Variants in DHX9 observed in about 807,000 individuals in gnomAD.
The protein encoded by DHX9 is DExH-box helicase 9.
DHX9 carries 27 observed loss-of-function variants against 148.7 expected under a neutral mutation model. That is an observed-to-expected ratio of 0.18 (90% CI 0.13 to 0.25). The LOEUF is 0.25. Ranked by LOEUF, DHX9 falls within the 10% of genes least tolerant of loss-of-function variation. DHX9 has a pLI of 1.00. For missense variants in DHX9, 796 were observed against 1,559.6 expected (o/e 0.51, Z 8.25); for synonymous variants, 529 against 516.6 (o/e 1.02, Z -0.33).
At chr1:182,873,015 G>A (rs1432574222) in intron 15 of DHX9, among the ~76,000 whole-genome samples, 1 of 152,166 alleles carries the variant, frequency 6.6e-6, no homozygotes, top group Non-Finnish European at 1.5e-5. Flanking sequence ...GTGTAGTGGT[G>A]CACTCACTTG....
intron 18 of DHX9, 43 bp from the exon 19 acceptor site, chr1:182,876,787 T>G: frequency 1.4e-6 from 2 of 1,445,994 alleles, no homozygotes; most frequent in Admixed American, 1.8e-5. Flanking sequence ...TTTAAGTAAC[T>G]AATAAGAATA....
chr1:182,862,077 T>G (rs1400078764), intron 12 of DHX9, among the ~76,000 whole-genome samples: 3 of 152,228 alleles, frequency 2.0e-5, no homozygotes, highest in Admixed American at 6.5e-5. Context: ...ACTGTACTTC[T>G]TTTGGCACAG....
intron 1 of DHX9, among the ~76,000 whole-genome samples, chr1:182,840,098 C>T (rs1380933435): frequency 1.3e-5 from 2 of 152,002 alleles, no homozygotes; most frequent in African/African-American, 2.4e-5. Context: ...AGAAGGCCTT[C>T]AAAGGAGAAT....
chr1:182,884,580 C>T (rs1204365006), intron 26 of DHX9, 33 bp from the exon 27 acceptor site: 2 of 1,590,040 alleles, frequency 1.3e-6, no homozygotes, highest in Admixed American at 1.7e-5. Flanking sequence ...CATATACTCC[C>T]TCTCTTATTT....
Position 182,874,999 on chromosome 1 carries a change from A to G in DHX9, c.1815+45A>G, listed in dbSNP as rs774541513. On this transcript the variant is annotated intron_variant, in intron 16 of 27. Transcript: ENST00000367549. ...AATTTCCATTATGGGCAAATTGTCAATGCAGAGAAAAAAATGAGTTAATGT... is the reference window on the plus strand; with the variant it reads ...AATTTCCATTATGGGCAAATTGTCAGTGCAGAGAAAAAAATGAGTTAATGT... 8.8e-6 allele frequency: 13 copies of G among 1,479,014 alleles called. No homozygotes were observed. In the South Asian group the frequency reaches 1.1e-4, roughly 13 times the overall value. The allele number at this position is 1,479,014 out of a possible 1,614,324, so 91.6% of individuals were successfully genotyped here. A position where few individuals can be genotyped will look rare whatever the true frequency, so the allele number is the denominator to read the frequency against.
In DHX9 at chr1:182,860,060, A is replaced by G; in HGVS notation, c.1208A>G (p.Gln403Arg). ...FESEILEAIS[Q>R]NSVVIIRGAT... is the part of the protein sequence containing the mutation. ...AGTGAGATTCTGGAAGCAATCAGCC[A>G]AAATTCAGTTGTCATTATTAGAGGG... The change falls in exon 12 of 28, where the codon CAA (glutamine) becomes CGA (arginine). Residue 403 changes from glutamine to arginine, a missense_variant. Around this residue, in one of 14 missense-constraint regions of DHX9, gnomAD observed 58 missense variants for 122.8 expected, o/e 0.47. Coordinates refer to ENST00000367549, the MANE Select transcript of DHX9 (RefSeq NM_001357.5). The G allele has an allele frequency of 2.5e-6, 4 of 1,614,052 alleles. No individual in the cohort carries two copies. In the African/African-American group the frequency reaches 4.0e-5, roughly 16 times the overall value.
rs1235513702 is a variant in DHX9, at chr1:182,858,912, T to A, written c.1062+18T>A. 11 of 1,613,496 alleles carry A rather than the reference T, an allele frequency of 6.8e-6. No homozygotes were observed. The highest frequency in any genetic ancestry group is 2.2e-5 in the East Asian group (1 of 44,874). ...TGGCTTTTGTGAGTGCAATATTGTTTTTGAGATCAGAGTCTTGTGTTTTAC... is the reference window on the plus strand; with the variant it reads ...TGGCTTTTGTGAGTGCAATATTGTTATTGAGATCAGAGTCTTGTGTTTTAC... On this transcript the variant is annotated intron_variant, in intron 10 of 27. Transcript: ENST00000367549.
In DHX9 at chr1:182,858,094, TAC is replaced by T. The variant is rs1668288751; in HGVS notation, c.674-8_674-7del. ...TCTTTCTGTCTGATAATCCTGACCT[TAC>T]ATTATAGGGATTTTTGCACGAGAAC... On this transcript the variant is annotated splice_region_variant and splice_polypyrimidine_tract_variant and intron_variant, in intron 7 of 27. Transcript: ENST00000367549. The T allele has an allele frequency of 1.9e-6, 3 of 1,609,294 alleles. No individual in the cohort carries two copies. Among genetic ancestry groups the T allele is most frequent in the Admixed American group, 3.4e-5 (2 of 59,104 alleles).
chr1:182,851,555 T>C (rs1668150779), intron 3 of DHX9, among the ~76,000 whole-genome samples: 2 of 152,178 alleles, frequency 1.3e-5, no homozygotes, highest in Admixed American at 1.3e-4. Context: ...AGTCAAATTT[T>C]TAAATGTTCT....
At chr1:182,883,891 T>G (rs1030615075) in intron 26 of DHX9, among the ~76,000 whole-genome samples, 1 of 152,170 alleles carries the variant, frequency 6.6e-6, no homozygotes, top group Non-Finnish European at 1.5e-5. Context: ...GTATATTGAT[T>G]CAAAACTAGT....
chr1:182,869,803 T>G (rs1648482540), intron 14 of DHX9, among the ~76,000 whole-genome samples: 1 of 152,206 alleles, frequency 6.6e-6, no homozygotes, highest in Admixed American at 6.5e-5. Context: ...TTCACCATGT[T>G]GGCCGAACTG....
intron 8 of DHX9, 36 bp from the exon 9 acceptor site, chr1:182,858,515 G>T: frequency 6.5e-7 from 1 of 1,532,896 alleles, no homozygotes; most frequent in South Asian, 1.2e-5. Flanking sequence ...TAGTAGATTT[G>T]AGTAGTGTTG....
chr1:182,869,286 C>A (rs1259328911), intron 14 of DHX9, among the ~76,000 whole-genome samples: 1 of 152,112 alleles, frequency 6.6e-6, no homozygotes, highest in Non-Finnish European at 1.5e-5. Flanking sequence ...CCGGTCTTAT[C>A]CGGTTCGGCC....
In DHX9 at chr1:182,853,406, A is replaced by G. The variant is rs377634306; in HGVS notation, c.465A>G (p.Gln155=). ...ATTACTACTCAAGAAAGGAAGAACA[A>G]GAAGTGCAAGCGGTAAGGCCAGCAC... ...LKDYYSRKEE[Q]EVQATLESEE... The change falls in exon 5 of 28, where the codon CAA becomes CAG. Residue 155 remains glutamine (Q), a synonymous_variant. Coordinates refer to ENST00000367549, the MANE Select transcript of DHX9 (RefSeq NM_001357.5). 2.8e-5 allele frequency: 45 copies of G among 1,613,882 alleles called. No individual in the cohort carries two copies. In the Admixed American group the frequency reaches 3.7e-4, roughly 13 times the overall value.
chr1:182,886,670 T>A (rs112736099), intron 27 of DHX9, among the ~76,000 whole-genome samples: 1 of 152,234 alleles, frequency 6.6e-6, no homozygotes, highest in African/African-American at 2.4e-5. Flanking sequence ...TGAAACAGAT[T>A]TAGGCATTAT....
chr1:182,847,102 A>G (rs977270007), intron 3 of DHX9, among the ~76,000 whole-genome samples: 1 of 152,048 alleles, frequency 6.6e-6, no homozygotes, highest in African/African-American at 2.4e-5. Context: ...CATTCGTTAT[A>G]AGTGTATGTT....
chr1:182,852,830 A>G (rs1668179149), intron 4 of DHX9, among the ~76,000 whole-genome samples: 1 of 152,048 alleles, frequency 6.6e-6, no homozygotes, highest in South Asian at 2.1e-4. Context: ...GTATAGTCAC[A>G]GCTTTTATTG....
intron 14 of DHX9, among the ~76,000 whole-genome samples, chr1:182,868,725 C>T (rs990448075): frequency 2.6e-5 from 4 of 151,982 alleles, no homozygotes; most frequent in African/African-American, 9.7e-5. Context: ...CCATGTTGGC[C>T]AGGCTGGTCT....
rs1405634531 is a variant in DHX9, at chr1:182,866,471, G to T, written c.1360G>T (p.Ala454Ser). Reference sequence around the variant, plus strand: ...CAGAAGAATCAGTGCGGTTTCTGTGGCAGAGCGAGTTGCATTTGAAAGAGG... The same window carrying T: ...CAGAAGAATCAGTGCGGTTTCTGTGTCAGAGCGAGTTGCATTTGAAAGAGG... ...QPRRISAVSV[A>S]ERVAFERGEE... The change falls in exon 13 of 28, where the codon GCA becomes TCA. Residue 454 changes from alanine to serine, a missense_variant. Coordinates refer to ENST00000367549, the MANE Select transcript of DHX9 (RefSeq NM_001357.5). 1.2e-6 allele frequency: 2 copies of T among 1,614,126 alleles called. No homozygotes were observed. Among genetic ancestry groups the T allele is most frequent in the Admixed American group, 1.7e-5 (1 of 60,012 alleles).
Sources: allele counts gnomAD v4.1 joint callset (sites outside exome capture counted in the v4.1 genomes callset), GRCh38; gene constraint gnomAD v4.1.1; regional missense constraint gnomAD v4.1.1; transcripts MANE v1.5; gene names NCBI Gene and HGNC (gene_info 2026-07-23, HGNC 2026-07-21).